The following SUSD5 variants were observed in gnomAD, a reference collection of about 807,000 sequenced individuals.
SUSD5 encodes sushi domain containing 5.
Under a neutral mutation model 29.5 loss-of-function variants are expected in SUSD5, and 33 were observed. That is an observed-to-expected ratio of 1.12 (90% CI 0.85 to 1.49). The LOEUF is 1.49. SUSD5 is among the 40% of genes most tolerant of loss of function. SUSD5 has a pLI of 0.00. For missense variants in SUSD5, 776 were observed against 800.6 expected (o/e 0.97, Z 0.37); for synonymous variants, 308 against 325.3 (o/e 0.95, Z 0.57).
intron 3 of SUSD5, among the ~76,000 whole-genome samples, chr3:33,189,062 T>C (rs750616595): frequency 3.3e-5 from 5 of 152,234 alleles, no homozygotes; most frequent in Non-Finnish European, 7.3e-5. Context: ...TTGCAAGATG[T>C]AGGCAAGTTC....
chr3:33,217,770 G>A (rs1445653497), intron 1 of SUSD5, among the ~76,000 whole-genome samples: 1 of 151,142 alleles, frequency 6.6e-6, no homozygotes, highest in Non-Finnish European at 1.5e-5. Context: ...AATATACAAC[G>A]CATCCTAAAT....
intron 2 of SUSD5, among the ~76,000 whole-genome samples, chr3:33,211,046 G>T (rs1297373018): frequency 6.6e-6 from 1 of 151,860 alleles, no homozygotes; most frequent in Admixed American, 6.6e-5. Flanking sequence ...GCTAAGTTTT[G>T]TATTTTTTTA....
In SUSD5 at chr3:33,214,427, G is replaced by A. The variant is rs541527148; in HGVS notation, c.113-322C>T. ...TACAAATATCATGTGTCAAGGCTCA[G>A]TGTCCTAGGCTTCCCTGAGTTAGGT... On this transcript the variant is annotated intron_variant, in intron 1 of 4. Transcript: ENST00000309558. Among the ~76,000 whole-genome samples the A allele has an allele frequency of 4.0e-5, 6 of 150,732 alleles. No homozygotes were observed. The South Asian group carries it at 1.3e-3, about 32-fold the overall frequency.
intron 3 of SUSD5, among the ~76,000 whole-genome samples, chr3:33,198,074 T>C (rs2032028285): frequency 6.6e-6 from 1 of 152,216 alleles, no homozygotes; most frequent in African/African-American, 2.4e-5. Flanking sequence ...TTGAAAGAAA[T>C]TATGCGTTGA....
intron 4 of SUSD5, among the ~76,000 whole-genome samples, chr3:33,173,942 G>A (rs2031490447): frequency 1.3e-5 from 2 of 152,306 alleles, no homozygotes; most frequent in South Asian, 2.1e-4. Flanking sequence ...TGGACACAGC[G>A]ATTTCTGCTG....
At chr3:33,164,016 A>G (rs1405613949) in intron 4 of SUSD5, among the ~76,000 whole-genome samples, 1 of 151,790 alleles carries the variant, frequency 6.6e-6, no homozygotes, top group Non-Finnish European at 1.5e-5. Flanking sequence ...CAAAAACAAA[A>G]ACAAAAAATT....
intron 3 of SUSD5, among the ~76,000 whole-genome samples, chr3:33,198,068 A>G (rs1179151929): frequency 6.6e-6 from 1 of 152,198 alleles, no homozygotes; most frequent in African/African-American, 2.4e-5. Context: ...ATTATTTTGA[A>G]AGAAATTATG....
chr3:33,203,249 A>T (rs1378350881), intron 3 of SUSD5, among the ~76,000 whole-genome samples: 1 of 152,232 alleles, frequency 6.6e-6, no homozygotes, highest in Non-Finnish European at 1.5e-5. Context: ...CTCTTTCTAA[A>T]GGAGAAAAGG....
Position 33,150,770 on chromosome 3 carries a change from A to AT in SUSD5, c.*1971dup, listed in dbSNP as rs1491538305. ...GAAAAGAGGTGGCAGGGTAGAAAAC[A>AT]TGTTGCGAATGTTTTTTTTCCTTAG... is the stretch of plus-strand genomic sequence containing the variant. On this transcript the variant is annotated 3_prime_UTR_variant, in exon 5 of 5. Coordinates refer to ENST00000309558, the MANE Select transcript of SUSD5 (RefSeq NM_015551.2). 1 of 152,182 alleles carries AT rather than the reference A, an allele frequency of 6.6e-6. No individual in the cohort carries two copies. Among genetic ancestry groups the AT allele is most frequent in the East Asian group, 1.9e-4 (1 of 5,196 alleles). 9.4% of individuals were successfully genotyped at this position (152,182 alleles called of 1,614,324 possible). A position where few individuals can be genotyped will look rare whatever the true frequency, so the allele number is the denominator to read the frequency against.
chr3:33,153,787 T>C lies in SUSD5; in HGVS notation c.845A>G (p.Asp282Gly), dbSNP rs777310181. 3.7e-6 allele frequency: 6 copies of C among 1,614,046 alleles called. No homozygotes were observed. Among genetic ancestry groups the C allele is most frequent in the Non-Finnish European group, 5.1e-6 (6 of 1,179,886 alleles). ...LPGAGSSVPA[D>G]SPGSRLLQKH... ...CTGGAGCAGCCGTGATCCTGGTGAA[T>C]CTGCGGGGACACTGCTCCCAGCACC... is the stretch of plus-strand genomic sequence containing the variant. Residue 282 changes from aspartate to glycine, a missense_variant, in exon 5 of 5, where the codon GAT becomes GGT. Transcript: ENST00000309558.
intron 3 of SUSD5, among the ~76,000 whole-genome samples, chr3:33,183,351 G>A (rs1201877486): frequency 6.6e-6 from 1 of 151,940 alleles, no homozygotes; most frequent in Non-Finnish European, 1.5e-5. Context: ...TTTTAATTGA[G>A]CATTTTATAT....
intron 3 of SUSD5, among the ~76,000 whole-genome samples, chr3:33,187,903 G>C (rs965504563): frequency 1.3e-5 from 2 of 148,578 alleles, no homozygotes; most frequent in Non-Finnish European, 3.0e-5. Flanking sequence ...AACATGCAGT[G>C]TTTGGTTTTT....
chr3:33,174,844 C>A, intron 4 of SUSD5, 42 bp downstream of exon 4: 2 of 1,606,816 alleles, frequency 1.2e-6, no homozygotes, highest in Non-Finnish European at 1.7e-6. Flanking sequence ...TCAGCCAGCA[C>A]TGCGTGGGCA....
chr3:33,172,824 A>G (rs1273260913), intron 4 of SUSD5, among the ~76,000 whole-genome samples: 1 of 152,328 alleles, frequency 6.6e-6, no homozygotes, highest in Non-Finnish European at 1.5e-5. Context: ...TTTAGAATCT[A>G]TTTTATTTTA....
intron 3 of SUSD5, 23 bp downstream of exon 3, chr3:33,207,785 T>C (rs747785533): frequency 6.4e-7 from 1 of 1,556,314 alleles, no homozygotes; most frequent in East Asian, 2.3e-5. Flanking sequence ...CTCCAGCACC[T>C]TTAAGAAGAC....
intron 2 of SUSD5, among the ~76,000 whole-genome samples, chr3:33,211,724 G>A (rs983684170): frequency 5.9e-5 from 9 of 152,196 alleles, no homozygotes; most frequent in Non-Finnish European, 1.3e-4. Context: ...AAGTGAAGTG[G>A]CTCCTGCCTT....
intron 4 of SUSD5, among the ~76,000 whole-genome samples, chr3:33,158,709 G>A (rs112190763): frequency 0.011 from 1,712 of 152,230 alleles, 18 homozygotes; most frequent in Non-Finnish European, 0.017. Flanking sequence ...GTCTCCTAGA[G>A]GTTCTGCTGT....
intron 3 of SUSD5, among the ~76,000 whole-genome samples, chr3:33,182,677 T>G (rs1035026272): frequency 6.6e-6 from 1 of 152,260 alleles, no homozygotes; most frequent in Non-Finnish European, 1.5e-5. Flanking sequence ...GTAATTCTTC[T>G]CTTTATCCCT....
In SUSD5 at chr3:33,152,777, G is replaced by C. The variant is rs537289547; in HGVS notation, c.1855C>G (p.His619Asp). The C allele has an allele frequency of 8.7e-6, 14 of 1,613,250 alleles. No individual in the cohort carries two copies. The South Asian group carries it at 1.5e-4, about 18-fold the overall frequency. Residue 619 changes from histidine to aspartate, a missense_variant, in exon 5 of 5, where the codon CAC (histidine) becomes GAC (aspartate). Physicochemically the swap from His to Asp is moderately conservative, Grantham distance 81 (BLOSUM62 -1). Coordinates refer to ENST00000309558, the MANE Select transcript of SUSD5 (RefSeq NM_015551.2). ...KLNVGQRQAR[H>D]YHQQIEMEKV ...TCCATCTCGATCTGCTGGTGGTAGT[G>C]CCGAGCCTGCCGCTGGCCAACATTC...
Sources: gnomAD v4.1 joint callset for allele counts (sites outside exome capture counted in the v4.1 genomes callset) on GRCh38, gnomAD v4.1.1 for gene constraint, MANE v1.5 for transcripts, NCBI Gene and HGNC (gene_info 2026-07-23, HGNC 2026-07-21) for gene names.